Variants in DYNLT5 observed in about 807,000 individuals in gnomAD.
DYNLT5 encodes the protein dynein light chain Tctex-type family member 5.
In DYNLT5, 25 loss-of-function variants were observed where a neutral mutation model predicts 19.3. The ratio of observed to expected loss-of-function variants is 1.30; its 90% CI spans 0.95 to 1.81. DYNLT5 has a LOEUF of 1.81. Among genes scored for constraint, DYNLT5 ranks in the 40% most tolerant of loss-of-function variants. DYNLT5 has a pLI of 0.00. For synonymous variants in DYNLT5, 82 were observed against 68.9 expected (o/e 1.19, Z -0.94); for missense variants, 232 against 217.9 (o/e 1.06, Z -0.41).
chr1:66,776,804 A>G (rs181974156), intron 4 of DYNLT5, among the ~76,000 whole-genome samples: 1 of 152,256 alleles, frequency 6.6e-6, no homozygotes, highest in East Asian at 1.9e-4. Flanking sequence ...GCACTTCATC[A>G]AGGTTTCCTC....
chr1:66,771,265 A>G (rs1185054602), intron 3 of DYNLT5, among the ~76,000 whole-genome samples: 1 of 152,240 alleles, frequency 6.6e-6, no homozygotes, highest in Non-Finnish European at 1.5e-5. Flanking sequence ...CTCCATAATT[A>G]GCCAATCTAC....
At chr1:66,753,956 T>C (rs760196344) in intron 1 of DYNLT5, among the ~76,000 whole-genome samples, 88 of 143,934 alleles carry the variant, frequency 6.1e-4, no homozygotes, top group Admixed American at 2.6e-3. Context: ...GTCTCTAAAA[T>C]AATAAAATAG....
intron 3 of DYNLT5, among the ~76,000 whole-genome samples, chr1:66,772,318 G>A (rs1405176788): frequency 6.6e-6 from 1 of 152,230 alleles, no homozygotes; most frequent in African/African-American, 2.4e-5. Flanking sequence ...CACATGGCAA[G>A]AGAGGGAACA....
At chr1:66,770,887 C>T (rs1406492141) in intron 3 of DYNLT5, 6 of 253,692 alleles carry the variant, frequency 2.4e-5, no homozygotes, top group Admixed American at 5.2e-5. Context: ...ACTCATAGTC[C>T]CCTGTTGACA....
chr1:66,761,846 C>T (rs2094646532), intron 2 of DYNLT5, among the ~76,000 whole-genome samples: 1 of 152,174 alleles, frequency 6.6e-6, no homozygotes, highest in East Asian at 1.9e-4. Context: ...TCAATGGACT[C>T]TTCCTTTCAT....
intron 2 of DYNLT5, among the ~76,000 whole-genome samples, chr1:66,762,044 C>T (rs1398676678): frequency 6.6e-6 from 1 of 151,836 alleles, no homozygotes; most frequent in Admixed American, 6.6e-5. Context: ...GATTCCATCT[C>T]AAGAAACCAC....
Position 66,768,415 on chromosome 1 carries a change from C to T in DYNLT5, c.120-1972C>T, listed in dbSNP as rs575678166. ...TGAGCATACACTGTTTATATGATTCCTATGGAAATAAAAGGGCACTGAACA... is the reference window on the plus strand; with the variant it reads ...TGAGCATACACTGTTTATATGATTCTTATGGAAATAAAAGGGCACTGAACA... On this transcript the variant is annotated intron_variant, in intron 2 of 4. Coordinates refer to ENST00000282670, the MANE Select transcript of DYNLT5 (RefSeq NM_152665.3). Among the ~76,000 whole-genome samples, 5 of 152,164 alleles carry T rather than the reference C, an allele frequency of 3.3e-5. No homozygotes were observed. The South Asian group carries it at 1.0e-3, about 32-fold the overall frequency.
intron 2 of DYNLT5, among the ~76,000 whole-genome samples, chr1:66,761,317 A>C (rs913553529): frequency 3.3e-5 from 5 of 152,246 alleles, no homozygotes; most frequent in Non-Finnish European, 5.9e-5. Flanking sequence ...TAAAGAAAAA[A>C]TGTACATACC....
In DYNLT5 at chr1:66,752,512, G is replaced by T. The variant is rs2150855265; in HGVS notation, c.-76G>T. 8.1e-6 allele frequency: 8 copies of T among 985,600 alleles called. No homozygotes were observed. Among genetic ancestry groups the T allele is most frequent in the Middle Eastern group, 5.2e-4 (1 of 1,916 alleles). 61.1% of individuals were successfully genotyped at this position (985,600 alleles called of 1,614,324 possible). ...GCCGGCTGAATGAAGCCTGGGACGC[G>T]GGAGCCGCGCCGCGCGCAGTGTCTG... On this transcript the variant is annotated 5_prime_UTR_variant, in exon 1 of 5. Transcript: ENST00000282670.
intron 2 of DYNLT5, among the ~76,000 whole-genome samples, chr1:66,760,564 C>A (rs1054839324): frequency 6.6e-6 from 1 of 152,120 alleles, no homozygotes; most frequent in African/African-American, 2.4e-5. Flanking sequence ...TAATGTATAC[C>A]TTTACCTCCA....
intron 2 of DYNLT5, among the ~76,000 whole-genome samples, chr1:66,769,858 C>T (rs7535868): frequency 0.21 from 31,851 of 152,064 alleles, 3,943 homozygotes; most frequent in African/African-American, 0.35. Flanking sequence ...GCGGTTTCCT[C>T]TACCACGTAG....
At chr1:66,753,080 T>C (rs1007941651) in intron 1 of DYNLT5, among the ~76,000 whole-genome samples, 1 of 152,142 alleles carries the variant, frequency 6.6e-6, no homozygotes, top group African/African-American at 2.4e-5. Context: ...CAGACACACT[T>C]ATACACACAG....
chr1:66,754,826 C>T (rs146412854), intron 2 of DYNLT5, 49 bp downstream of exon 2: 9 of 1,550,576 alleles, frequency 5.8e-6, no homozygotes, highest in Middle Eastern at 1.7e-4. Flanking sequence ...TAAATAGGTT[C>T]GTAATGTTTA....
At position 66,777,358 on chromosome 1, in the gene DYNLT5, C is replaced by T. The variant is rs1359876135; in HGVS notation, c.444C>T (p.Cys148=). 4 of 1,613,906 alleles carry T rather than the reference C, an allele frequency of 2.5e-6. No individual in the cohort carries two copies. Among genetic ancestry groups the T allele is most frequent in the Non-Finnish European group, 3.4e-6 (4 of 1,179,896 alleles). ...NRQSILIGSR[C]LWDPKSDTFS... ...AGAGCATACTTATTGGAAGCAGATGCCTCTGGGATCCTAAAAGTGATACCT... is the reference window on the plus strand; with the variant it reads ...AGAGCATACTTATTGGAAGCAGATGTCTCTGGGATCCTAAAAGTGATACCT... Residue 148 remains cysteine (C), a synonymous_variant, in exon 5 of 5, where the codon TGC becomes TGT. Coordinates refer to ENST00000282670, the MANE Select transcript of DYNLT5 (RefSeq NM_152665.3).
At chr1:66,770,842 G>T in intron 3 of DYNLT5, 1 of 265,822 alleles carries the variant, frequency 3.8e-6, no homozygotes, top group African/African-American at 2.3e-5. Context: ...GTTGTTAGGT[G>T]AAGGAAAAAA....
At chr1:66,753,709 G>T (rs537124270) in intron 1 of DYNLT5, among the ~76,000 whole-genome samples, 149 of 152,258 alleles carry the variant, frequency 9.8e-4, no homozygotes, top group South Asian at 3.1e-3. Context: ...AGCACTTTGG[G>T]AGGCCAAGGC....
Position 66,765,078 on chromosome 1 carries a change from G to A in DYNLT5, c.120-5309G>A, listed in dbSNP as rs892788216. On this transcript the variant is annotated intron_variant, in intron 2 of 4. Transcript: ENST00000282670. ...TCCCACTGTGCCTGACATGTTGTGGGCAATAAACATTTGTTGAAAGAATGA... is the reference window on the plus strand; with the variant it reads ...TCCCACTGTGCCTGACATGTTGTGGACAATAAACATTTGTTGAAAGAATGA... 7.2e-5 allele frequency among the ~76,000 whole-genome samples: 11 copies of A among 152,100 alleles called. No homozygotes were observed. In the South Asian group the frequency reaches 1.7e-3, roughly 23 times the overall value.
At chr1:66,768,732 T>C (rs550223419) in intron 2 of DYNLT5, 1 of 152,344 alleles carries the variant, frequency 6.6e-6, no homozygotes, top group African/African-American at 2.4e-5. Context: ...AGAAATTGAG[T>C]TTTTATGAAT....
intron 1 of DYNLT5, 133 bp downstream of exon 1, chr1:66,752,717 C>A (rs543596920): frequency 4.9e-5 from 25 of 514,562 alleles, no homozygotes; most frequent in African/African-American, 4.3e-4. Context: ...CTCCCCAACA[C>A]ATAAGAAAAA....
Sources: allele counts gnomAD v4.1 joint callset (sites outside exome capture counted in the v4.1 genomes callset), GRCh38; gene constraint gnomAD v4.1.1; transcripts MANE v1.5; gene names NCBI Gene and HGNC (gene_info 2026-07-23, HGNC 2026-07-21).